Variants in NPSR1 observed in about 807,000 individuals in gnomAD.
NPSR1 encodes the protein neuropeptide S receptor.
In NPSR1, 48 loss-of-function variants were observed where a neutral mutation model predicts 46.9. The observed-to-expected ratio is 1.02, with a 90% CI of 0.81 to 1.30. The LOEUF (loss-of-function observed/expected upper bound fraction) is 1.30. NPSR1 is among the 50% of genes most tolerant of loss of function. The pLI, the probability that NPSR1 is intolerant of heterozygous loss-of-function variation, is 0.00. For synonymous variants in NPSR1, 176 were observed against 168.1 expected (o/e 1.05, Z -0.36); for missense variants, 450 against 449.5 (o/e 1.00, Z -0.01).
At chr7:34,782,713 T>A (rs943652951) in intron 3 of NPSR1, among the ~76,000 whole-genome samples, 8 of 151,920 alleles carry the variant, frequency 5.3e-5, no homozygotes, top group Admixed American at 5.2e-4. Flanking sequence ...CACATCAACA[T>A]AAGGCAAAAA....
At chr7:34,821,837 A>G (rs956167733) in intron 4 of NPSR1, among the ~76,000 whole-genome samples, 1 of 152,244 alleles carries the variant, frequency 6.6e-6, no homozygotes, top group African/African-American at 2.4e-5. Context: ...GAGGCTCAAC[A>G]TAAGGTGCTT....
intron 8 of NPSR1, among the ~76,000 whole-genome samples, chr7:34,862,268 C>A (rs1450432538): frequency 6.6e-6 from 1 of 151,660 alleles, no homozygotes; most frequent in African/African-American, 2.4e-5. Flanking sequence ...TTCCTCCAAG[C>A]CCCAGCCTTG....
At chr7:34,664,173 G>C (rs1319692175) in intron 1 of NPSR1, among the ~76,000 whole-genome samples, 2 of 152,194 alleles carry the variant, frequency 1.3e-5, no homozygotes. Flanking sequence ...TCATTTCAAT[G>C]AGGCAGTGTG....
chr7:34,799,624 AAAGACC>A (rs1373761318), intron 3 of NPSR1, among the ~76,000 whole-genome samples: 1 of 150,222 alleles, frequency 6.7e-6, no homozygotes, highest in Non-Finnish European at 1.5e-5. Flanking sequence ...GACAAAATGT[AAAGACC>A]ATCGAGAGTA....
intron 2 of NPSR1, among the ~76,000 whole-genome samples, chr7:34,747,771 G>A (rs1785284209): frequency 6.6e-6 from 1 of 152,210 alleles, no homozygotes; most frequent in South Asian, 2.1e-4. Context: ...CAGAGTAGGA[G>A]TTTTTACTAG....
chr7:34,756,001 A>G (rs1033574846), intron 2 of NPSR1, among the ~76,000 whole-genome samples: 1 of 152,192 alleles, frequency 6.6e-6, no homozygotes, highest in Non-Finnish European at 1.5e-5. Context: ...GTAGGGAATC[A>G]CAGTACAAAT....
chr7:34,705,307 A>T (rs1325008265), intron 2 of NPSR1, among the ~76,000 whole-genome samples: 1 of 151,940 alleles, frequency 6.6e-6, no homozygotes, highest in Admixed American at 6.6e-5. Flanking sequence ...CACGCCCGTA[A>T]TACCAGCTAC....
At chr7:34,770,166 T>C (rs911085820) in intron 2 of NPSR1, among the ~76,000 whole-genome samples, 38 of 152,202 alleles carry the variant, frequency 2.5e-4, no homozygotes, top group African/African-American at 8.9e-4. Flanking sequence ...AACAAAATAA[T>C]CTTTCCGTTT....
chr7:34,829,398 GTTAT>G (rs1192156358), intron 5 of NPSR1, among the ~76,000 whole-genome samples: 1 of 152,172 alleles, frequency 6.6e-6, no homozygotes, highest in Admixed American at 6.5e-5. Context: ...AGGAGAAAAG[GTTAT>G]TTAGACAACT....
intron 4 of NPSR1, among the ~76,000 whole-genome samples, chr7:34,821,335 G>A (rs994079763): frequency 1.8e-4 from 27 of 151,770 alleles, no homozygotes; most frequent in Non-Finnish European, 3.2e-4. Context: ...TCACCGTGTT[G>A]GCCAGGCTGG....
intron 7 of NPSR1, among the ~76,000 whole-genome samples, chr7:34,845,313 G>A (rs1475227088): frequency 6.6e-6 from 1 of 152,192 alleles, no homozygotes; most frequent in Admixed American, 6.5e-5. Context: ...GTTCCCCAGG[G>A]CTGGGGTTCA....
intron 3 of NPSR1, among the ~76,000 whole-genome samples, chr7:34,781,681 G>A (rs77311742): frequency 0.021 from 3,195 of 152,244 alleles, 49 homozygotes; most frequent in Non-Finnish European, 0.035. Flanking sequence ...AGTTGCTGTC[G>A]AGCTGCTTTG....
intron 2 of NPSR1, among the ~76,000 whole-genome samples, chr7:34,763,344 A>G (rs1416760826): frequency 6.6e-6 from 1 of 152,178 alleles, no homozygotes; most frequent in African/African-American, 2.4e-5. Flanking sequence ...GAAATCACCC[A>G]TGCTACAGTC....
intron 2 of NPSR1, among the ~76,000 whole-genome samples, chr7:34,749,162 G>A (rs17169995): frequency 0.14 from 21,467 of 152,068 alleles, 2,058 homozygotes; most frequent in East Asian, 0.33. Flanking sequence ...AAACAAAGCT[G>A]AGCCTCTGTG....
intron 3 of NPSR1, among the ~76,000 whole-genome samples, chr7:34,789,813 C>G (rs1056446979): frequency 6.8e-6 from 1 of 147,090 alleles, no homozygotes; most frequent in Non-Finnish European, 1.5e-5. Context: ...CAAAAACTAC[C>G]AAGACTTTGA....
intron 2 of NPSR1, among the ~76,000 whole-genome samples, chr7:34,747,305 C>G (rs914487529): frequency 6.6e-6 from 1 of 152,100 alleles, no homozygotes; most frequent in African/African-American, 2.4e-5. Flanking sequence ...GCGAGTAAGG[C>G]ACAGGGGCCC....
intron 2 of NPSR1, among the ~76,000 whole-genome samples, chr7:34,706,276 G>A (rs1202002996): frequency 1.3e-5 from 2 of 151,672 alleles, no homozygotes; most frequent in Non-Finnish European, 2.9e-5. Context: ...TTGATCTGCT[G>A]ATTAATGTGA....
chr7:34,749,025 T>G lies in NPSR1; in HGVS notation c.281-29437T>G, dbSNP rs1350706745. Reference sequence around the variant, plus strand: ...GACCCTGAGCCCAGCCTTGAATTAGTCCAAAGTCTAATGCTTCTCCCAGGT... The same window carrying G: ...GACCCTGAGCCCAGCCTTGAATTAGGCCAAAGTCTAATGCTTCTCCCAGGT... On this transcript the variant is annotated intron_variant, in intron 2 of 8. Transcript: ENST00000360581. Among the ~76,000 whole-genome samples, 3 of 152,136 alleles carry G rather than the reference T, an allele frequency of 2.0e-5. No homozygotes were observed. The East Asian group carries it at 5.8e-4, about 29-fold the overall frequency.
intron 2 of NPSR1, among the ~76,000 whole-genome samples, chr7:34,712,159 ATTTGT>A (rs1187612259): frequency 2.0e-5 from 3 of 152,112 alleles, no homozygotes; most frequent in Non-Finnish European, 4.4e-5. Context: ...CAGGGACTGG[ATTTGT>A]TTTGTTTTGT....
Sources: gnomAD v4.1 joint callset for allele counts (sites outside exome capture counted in the v4.1 genomes callset) on GRCh38, gnomAD v4.1.1 for gene constraint, MANE v1.5 for transcripts, NCBI Gene and HGNC (gene_info 2026-07-23, HGNC 2026-07-21) for gene names.